Variants in NRG3 observed in about 807,000 individuals in gnomAD.
NRG3 encodes neuregulin 3.
NRG3 carries 31 observed loss-of-function variants against 66.9 expected under a neutral mutation model. The ratio of observed to expected loss-of-function variants is 0.46; its 90% CI spans 0.35 to 0.63. The LOEUF (loss-of-function observed/expected upper bound fraction) is 0.63. Ranked by LOEUF, NRG3 falls within the 20% of genes least tolerant of loss-of-function variation. The pLI is 0.00. For synonymous variants in NRG3, 393 were observed against 359.4 expected (o/e 1.09, Z -1.06); for missense variants, 910 against 878.9 (o/e 1.04, Z -0.45).
chr10:82,591,604 C>G (rs1336975200), intron 2 of NRG3, among the ~76,000 whole-genome samples: 1 of 152,140 alleles, frequency 6.6e-6, no homozygotes, highest in Non-Finnish European at 1.5e-5. Flanking sequence ...TGTATTATCT[C>G]TTTGAACCCT....
intron 1 of NRG3, among the ~76,000 whole-genome samples, chr10:82,050,565 G>A (rs2063543708): frequency 6.6e-6 from 1 of 151,976 alleles, no homozygotes; most frequent in African/African-American, 2.4e-5. Flanking sequence ...CTTGCTACCT[G>A]CTCTCAGACT....
At chr10:82,934,987 T>C (rs1379209862) in intron 4 of NRG3, among the ~76,000 whole-genome samples, 1 of 152,178 alleles carries the variant, frequency 6.6e-6, no homozygotes, top group Non-Finnish European at 1.5e-5. Flanking sequence ...CTTCATGCCT[T>C]ACTCTGGGAA....
chr10:82,203,939 C>CT (rs1340886852), intron 1 of NRG3, among the ~76,000 whole-genome samples: 4 of 151,872 alleles, frequency 2.6e-5, no homozygotes, highest in East Asian at 1.9e-4. Flanking sequence ...TTCATTATGA[C>CT]TTTTTTTTGG....
rs538491250 is a variant in NRG3 at position 82,807,320 on chromosome 10, C to T, written c.1028-58091C>T. On this transcript the variant is annotated intron_variant, in intron 3 of 8. Coordinates refer to ENST00000372141, the MANE Select transcript of NRG3 (RefSeq NM_001010848.4). Reference sequence around the variant, plus strand: ...ATAATTACTGCATGTTCAATAACATCAATTTGAGCAAGTAAACTTGCAAGG... The same window carrying T: ...ATAATTACTGCATGTTCAATAACATTAATTTGAGCAAGTAAACTTGCAAGG... Among the ~76,000 whole-genome samples the T allele has an allele frequency of 1.8e-4, 28 of 152,240 alleles. No individual in the cohort carries two copies. In the South Asian group the frequency reaches 5.2e-3, roughly 28 times the overall value.
intron 3 of NRG3, among the ~76,000 whole-genome samples, chr10:82,788,172 C>T (rs1225060874): frequency 6.6e-6 from 1 of 152,116 alleles, no homozygotes; most frequent in Non-Finnish European, 1.5e-5. Flanking sequence ...AGAAGTAGAG[C>T]AACTCAAATT....
intron 1 of NRG3, among the ~76,000 whole-genome samples, chr10:82,062,278 G>A (rs1000422165): frequency 2.6e-5 from 4 of 152,106 alleles, no homozygotes; most frequent in Admixed American, 2.6e-4. Context: ...GGAGCAGATT[G>A]GATTTCTGGG....
At chr10:82,587,868 G>T (rs534963193) in intron 2 of NRG3, among the ~76,000 whole-genome samples, 1 of 152,314 alleles carries the variant, frequency 6.6e-6, no homozygotes, top group Admixed American at 6.5e-5. Flanking sequence ...GTAAATAGTC[G>T]ATGTGATGAT....
intron 1 of NRG3, among the ~76,000 whole-genome samples, chr10:81,899,492 A>G (rs1275877848): frequency 1.3e-5 from 2 of 152,186 alleles, no homozygotes; most frequent in Non-Finnish European, 2.9e-5. Flanking sequence ...TTTGCCAGTG[A>G]CTGGCTTGGG....
intron 1 of NRG3, among the ~76,000 whole-genome samples, chr10:81,981,541 G>A (rs1272772907): frequency 6.6e-6 from 1 of 152,062 alleles, no homozygotes; most frequent in Non-Finnish European, 1.5e-5. Flanking sequence ...GATGCCTTGA[G>A]TGACAGTCCT....
At chr10:82,307,919 C>T (rs1029449337) in intron 1 of NRG3, among the ~76,000 whole-genome samples, 3 of 150,932 alleles carry the variant, frequency 2.0e-5, no homozygotes, top group East Asian at 3.9e-4. Context: ...GTTATTACTT[C>T]GTTAATTTAT....
chr10:82,870,287 A>G (rs1841216681), intron 4 of NRG3, among the ~76,000 whole-genome samples: 1 of 152,214 alleles, frequency 6.6e-6, no homozygotes, highest in Non-Finnish European at 1.5e-5. Flanking sequence ...TTCATTGCTT[A>G]ATAGCCCATT....
intron 2 of NRG3, among the ~76,000 whole-genome samples, chr10:82,576,611 A>G (rs1308030934): frequency 6.6e-6 from 1 of 151,772 alleles, no homozygotes; most frequent in Non-Finnish European, 1.5e-5. Flanking sequence ...TATTGGATTC[A>G]GCATAGTTAC....
At chr10:82,191,826 C>T (rs140422103) in intron 1 of NRG3, among the ~76,000 whole-genome samples, 162 of 152,224 alleles carry the variant, frequency 1.1e-3, no homozygotes, top group African/African-American at 3.4e-3. Context: ...CAAATGTGAC[C>T]CACTAAGAAG....
intron 1 of NRG3, among the ~76,000 whole-genome samples, chr10:82,116,031 C>G (rs1389394704): frequency 6.6e-6 from 1 of 152,120 alleles, no homozygotes; most frequent in East Asian, 1.9e-4. Context: ...GCACCTTTAA[C>G]CAGGCTACAC....
chr10:82,600,256 C>T (rs766495510), intron 2 of NRG3, among the ~76,000 whole-genome samples: 3 of 151,944 alleles, frequency 2.0e-5, no homozygotes, highest in Non-Finnish European at 4.4e-5. Flanking sequence ...TTCATCCTGC[C>T]AGTAGTTGTC....
intron 2 of NRG3, among the ~76,000 whole-genome samples, chr10:82,610,301 C>T (rs1161122414): frequency 1.6e-5 from 1 of 61,384 alleles, no homozygotes; most frequent in Non-Finnish European, 2.9e-5. Flanking sequence ...TATGCAGAGA[C>T]CCTCTTGCCG....
At chr10:82,531,395 A>T (rs1293402111) in intron 2 of NRG3, among the ~76,000 whole-genome samples, 1 of 151,826 alleles carries the variant, frequency 6.6e-6, no homozygotes, top group Non-Finnish European at 1.5e-5. Context: ...TGTTCAAATG[A>T]CAAAACATTT....
At position 81,913,304 on chromosome 10, in the gene NRG3, T is replaced by C. The variant is rs185762567; in HGVS notation, c.823+37141T>C. On this transcript the variant is annotated intron_variant, in intron 1 of 8. Coordinates refer to ENST00000372141, the MANE Select transcript of NRG3 (RefSeq NM_001010848.4). The stretch of plus-strand genomic sequence containing the variant: ...TGGAATAATGAGCCCAGGTGCTCCA[T>C]TGACCAGCGTCCTCATGCAGAGCCA... Among the ~76,000 whole-genome samples, 73 of 152,324 alleles carry C rather than the reference T, an allele frequency of 4.8e-4. 1 individual carries two copies. The highest frequency in any genetic ancestry group is 1.5e-3 in the African/African-American group (62 of 41,588).
At chr10:82,391,700 G>C (rs1321162173) in intron 2 of NRG3, among the ~76,000 whole-genome samples, 1 of 152,058 alleles carries the variant, frequency 6.6e-6, no homozygotes, top group Admixed American at 6.6e-5. Context: ...GAAAAAATGA[G>C]TCCACTCACC....
Sources: gnomAD v4.1 joint callset for allele counts (sites outside exome capture counted in the v4.1 genomes callset) on GRCh38, gnomAD v4.1.1 for gene constraint, MANE v1.5 for transcripts, NCBI Gene and HGNC (gene_info 2026-07-23, HGNC 2026-07-21) for gene names.